Variants in GRAMD4 observed in about 807,000 individuals in gnomAD.
GRAMD4 encodes the protein GRAM domain-containing protein 4.
In GRAMD4, 25 loss-of-function variants were observed where a neutral mutation model predicts 83.9. The ratio of observed to expected loss-of-function variants is 0.30; its 90% CI spans 0.22 to 0.42. The LOEUF (loss-of-function observed/expected upper bound fraction) is 0.42. Ranked by LOEUF, GRAMD4 falls within the 10% of genes least tolerant of loss-of-function variation. The pLI is 1.00. For synonymous variants in GRAMD4, 336 were observed against 320.9 expected (o/e 1.05, Z -0.50); for missense variants, 593 against 788.7 (o/e 0.75, Z 2.97).
At chr22:46,603,355 C>T (rs1394485819) in intron 1 of GRAMD4, among the ~76,000 whole-genome samples, 2 of 150,392 alleles carry the variant, frequency 1.3e-5, no homozygotes, top group Non-Finnish European at 3.0e-5. Context: ...CCACAGGCGC[C>T]CGCCACCACA....
intron 1 of GRAMD4, among the ~76,000 whole-genome samples, chr22:46,584,842 G>A (rs969248518): frequency 1.1e-4 from 16 of 152,230 alleles, no homozygotes; most frequent in Non-Finnish European, 1.8e-4. Flanking sequence ...TGAAAGTGGG[G>A]CTGACTTAGA....
At chr22:46,670,901 C>G (rs1357334882) in intron 13 of GRAMD4, 2 of 225,004 alleles carry the variant, frequency 8.9e-6, no homozygotes, top group Non-Finnish European at 2.0e-5. Flanking sequence ...CTGCGCCCGG[C>G]CCCTGCTGTC....
chr22:46,662,772 CAG>C (rs1351264860), intron 5 of GRAMD4, among the ~76,000 whole-genome samples: 3 of 152,198 alleles, frequency 2.0e-5, no homozygotes, highest in African/African-American at 7.2e-5. Context: ...GGATGAAAAG[CAG>C]AGAGACCCGG....
chr22:46,655,515 A>G (rs978176257), intron 3 of GRAMD4, among the ~76,000 whole-genome samples: 1 of 152,164 alleles, frequency 6.6e-6, no homozygotes, highest in African/African-American at 2.4e-5. Flanking sequence ...CTTGGAAGAA[A>G]GAACCCCAGA....
chr22:46,678,536 G>T lies in GRAMD4; in HGVS notation c.*1285G>T. The T allele has an allele frequency of 1.0e-6, 1 of 985,426 alleles. No individual in the cohort carries two copies. 61.0% of individuals were successfully genotyped at this position (985,426 alleles called of 1,614,324 possible). ...AGGGAAAGGCGGCTTGGGCCTCCTG[G>T]AAGGAGGTGGCCACCCCGCGGGCCT... On this transcript the variant is annotated 3_prime_UTR_variant, in exon 19 of 19. Transcript: ENST00000406902.
intron 2 of GRAMD4, among the ~76,000 whole-genome samples, chr22:46,634,033 G>C (rs1230029550): frequency 2.6e-5 from 4 of 152,248 alleles, no homozygotes; most frequent in African/African-American, 7.2e-5. Flanking sequence ...CAGACAGTTG[G>C]GGGTGAACAG....
At chr22:46,580,031 G>A (rs2081082246) in intron 1 of GRAMD4, among the ~76,000 whole-genome samples, 1 of 152,232 alleles carries the variant, frequency 6.6e-6, no homozygotes, top group Non-Finnish European at 1.5e-5. Context: ...CTGCAAGGCG[G>A]CCCAAGAGGC....
At chr22:46,682,521 G>C (rs192379473), downstream of GRAMD4, 10 of 831,230 alleles carry the variant, frequency 1.2e-5, no homozygotes, top group Non-Finnish European at 1.5e-5. Context: ...CAGAACCCTC[G>C]GGACTGCGAC....
At chr22:46,642,590 G>A (rs565830002) in intron 3 of GRAMD4, among the ~76,000 whole-genome samples, 4 of 152,172 alleles carry the variant, frequency 2.6e-5, no homozygotes, top group Non-Finnish European at 5.9e-5. Context: ...TTTGTTTCTT[G>A]TTCTTTTGTC....
At chr22:46,668,951 C>A in intron 13 of GRAMD4, 43 bp downstream of exon 13, 2 of 1,124,670 alleles carry the variant, frequency 1.8e-6, no homozygotes, top group Non-Finnish European at 2.7e-6. Flanking sequence ...GGAGGAGGGA[C>A]ACAGGTGTCC....
intron 3 of GRAMD4, among the ~76,000 whole-genome samples, chr22:46,657,416 G>C (rs997950408): frequency 6.6e-6 from 1 of 152,340 alleles, no homozygotes; most frequent in African/African-American, 2.4e-5. Flanking sequence ...GAGGAAGCGG[G>C]AGAGAGGCCG....
intron 6 of GRAMD4, 43 bp from the exon 7 acceptor site, chr22:46,663,795 G>T: frequency 6.2e-7 from 1 of 1,607,246 alleles, no homozygotes; most frequent in South Asian, 1.1e-5. Context: ...AGAGCCGGCG[G>T]GTGCATTAAC....
intron 2 of GRAMD4, among the ~76,000 whole-genome samples, chr22:46,632,990 T>A (rs1601598679): frequency 6.6e-6 from 1 of 151,964 alleles, no homozygotes; most frequent in Non-Finnish European, 1.5e-5. Context: ...CCCCGCCCGG[T>A]GGGGATGGGG....
chr22:46,668,267 C>T (rs2748338), intron 11 of GRAMD4, 100 bp downstream of exon 11: 14 of 773,438 alleles, frequency 1.8e-5, no homozygotes, highest in East Asian at 2.6e-5. Context: ...CGCCGGCCTC[C>T]GCTGCTGCCT....
chr22:46,643,124 CATCCATCCATGCATCCTT>C (rs2082003100), intron 3 of GRAMD4, among the ~76,000 whole-genome samples: 1 of 90,720 alleles, frequency 1.1e-5, no homozygotes, highest in Non-Finnish European at 2.4e-5. Flanking sequence ...TCCATCCATG[CATCCATCCATGCATCCTT>C]CCATCCATCC....
chr22:46,631,021 G>A (rs1287055014), intron 2 of GRAMD4, among the ~76,000 whole-genome samples: 2 of 152,184 alleles, frequency 1.3e-5, no homozygotes, highest in Admixed American at 1.3e-4. Context: ...CTGTTCTCAG[G>A]CTTCTCTCTC....
At chr22:46,644,259 G>T (rs537493158) in intron 3 of GRAMD4, among the ~76,000 whole-genome samples, 1 of 151,126 alleles carries the variant, frequency 6.6e-6, no homozygotes, top group African/African-American at 2.4e-5. Context: ...TCCCTGTTCC[G>T]TATTACATCT....
intron 14 of GRAMD4, 60 bp downstream of exon 14, chr22:46,673,057 C>G: frequency 3.6e-6 from 5 of 1,390,134 alleles, no homozygotes; most frequent in Non-Finnish European, 4.9e-6. Flanking sequence ...CCGGGCATCC[C>G]CAGGCCCACA....
intron 3 of GRAMD4, among the ~76,000 whole-genome samples, chr22:46,657,680 C>G (rs751103935): frequency 6.6e-6 from 1 of 152,230 alleles, no homozygotes; most frequent in Non-Finnish European, 1.5e-5. Context: ...CAGCCTGCCC[C>G]GTGCTCTTCT....
Sources: allele counts gnomAD v4.1 joint callset (sites outside exome capture counted in the v4.1 genomes callset), GRCh38; gene constraint gnomAD v4.1.1; transcripts MANE v1.5; gene names NCBI Gene and HGNC (gene_info 2026-07-23, HGNC 2026-07-21).